Variants in REEP3 observed in about 807,000 individuals in gnomAD.
REEP3 encodes receptor expression-enhancing protein 3.
REEP3 carries 20 observed loss-of-function variants against 41.3 expected under a neutral mutation model. The ratio of observed to expected loss-of-function variants is 0.48; its 90% CI spans 0.34 to 0.70. The LOEUF is 0.70. REEP3 is among the 30% of genes least tolerant of loss of function. REEP3 has a pLI of 0.01. For synonymous variants in REEP3, 104 were observed against 101.8 expected, an observed-to-expected ratio of 1.02 and a Z score of -0.13; for missense variants, 271 against 308.8, an observed-to-expected ratio of 0.88 and a Z score of 0.92.
At chr10:63,583,297 GT>G (rs913031851) in intron 2 of REEP3, among the ~76,000 whole-genome samples, 24 of 152,072 alleles carry the variant, frequency 1.6e-4, no homozygotes, top group African/African-American at 5.8e-4. Context: ...GGCCCCCGGA[GT>G]TTTTTTTCTA....
chr10:63,567,309 G>C (rs905856552), intron 2 of REEP3, among the ~76,000 whole-genome samples: 17 of 151,832 alleles, frequency 1.1e-4, no homozygotes, highest in Non-Finnish European at 2.2e-4. Flanking sequence ...ACTCTTTCTA[G>C]TTCCAAAATA....
At chr10:63,529,343 C>G (rs1397314884) in intron 1 of REEP3, among the ~76,000 whole-genome samples, 1 of 152,136 alleles carries the variant, frequency 6.6e-6, no homozygotes, top group African/African-American at 2.4e-5. Context: ...CCTTGGTAAC[C>G]TAGCTAAAAT....
chr10:63,597,905 C>G, intron 3 of REEP3, 119 bp from the exon 4 acceptor site: 1 of 814,474 alleles, frequency 1.2e-6, no homozygotes, highest in South Asian at 2.0e-5. Context: ...AAAACTCCAT[C>G]TCAAAAAAAA....
At chr10:63,617,293 A>G (rs1457979970) in intron 6 of REEP3, among the ~76,000 whole-genome samples, 1 of 152,238 alleles carries the variant, frequency 6.6e-6, no homozygotes, top group African/African-American at 2.4e-5. Context: ...TGACTAATAT[A>G]CAATGCAAGT....
chr10:63,551,884 G>A (rs1057126570), intron 1 of REEP3, among the ~76,000 whole-genome samples: 2 of 152,088 alleles, frequency 1.3e-5, no homozygotes, highest in Non-Finnish European at 2.9e-5. Context: ...CTTAATTGTG[G>A]CAAATGTGTC....
chr10:63,621,469 T>C lies in REEP3; in HGVS notation c.*600T>C, dbSNP rs970644489. 6.6e-6 allele frequency: 1 copy of C among 152,630 alleles called. No individual in the cohort carries two copies. Among genetic ancestry groups the C allele is most frequent in the Non-Finnish European group, 1.5e-5 (1 of 68,032 alleles). 9.5% of individuals were successfully genotyped at this position (152,630 alleles called of 1,614,324 possible). A position where few individuals can be genotyped will look rare whatever the true frequency, so the allele number is the denominator to read the frequency against. ...CTGACTAGTTTTGCACACTTGAAAA[T>C]TGTTTACTTATTTTACAACTGTTTT... On this transcript the variant is annotated 3_prime_UTR_variant, in exon 8 of 8. Coordinates refer to ENST00000373758, the MANE Select transcript of REEP3 (RefSeq NM_001001330.3).
chr10:63,605,237 T>TA (rs758351108), intron 5 of REEP3, among the ~76,000 whole-genome samples: 1 of 152,230 alleles, frequency 6.6e-6, no homozygotes, highest in Non-Finnish European at 1.5e-5. Context: ...TTCTCCATGT[T>TA]ATCAATGTTC....
chr10:63,531,902 T>C (rs1955424266), intron 1 of REEP3, among the ~76,000 whole-genome samples: 1 of 152,260 alleles, frequency 6.6e-6, no homozygotes, highest in African/African-American at 2.4e-5. Context: ...GAAAAGAAAT[T>C]ACTGTTGCTG....
chr10:63,596,536 C>G (rs916953472), intron 3 of REEP3, among the ~76,000 whole-genome samples: 1 of 152,108 alleles, frequency 6.6e-6, no homozygotes, highest in African/African-American at 2.4e-5. Context: ...CCCACCTTGA[C>G]AGAAGAACTC....
At chr10:63,567,654 A>T (rs930054785) in intron 2 of REEP3, among the ~76,000 whole-genome samples, 1 of 152,210 alleles carries the variant, frequency 6.6e-6, no homozygotes, top group Non-Finnish European at 1.5e-5. Context: ...AAACATTCAC[A>T]TACAAGGATT....
chr10:63,614,427 G>A (rs1217731339), intron 6 of REEP3, among the ~76,000 whole-genome samples: 1 of 152,108 alleles, frequency 6.6e-6, no homozygotes, highest in Non-Finnish European at 1.5e-5. Flanking sequence ...ACAGCAGCTG[G>A]GCTAGAGTCA....
intron 2 of REEP3, among the ~76,000 whole-genome samples, chr10:63,591,283 G>T (rs1380940936): frequency 6.6e-6 from 1 of 152,080 alleles, no homozygotes; most frequent in East Asian, 1.9e-4. Context: ...TGGAAAAAAA[G>T]AAAGCAATAT....
Position 63,544,915 on chromosome 10 carries a change from CA to C in REEP3, c.33-21420del, listed in dbSNP as rs534246527. Among the ~76,000 whole-genome samples, 464 of 152,244 alleles carry C rather than the reference CA, an allele frequency of 3.0e-3. 2 individuals carry two copies. The highest frequency in any genetic ancestry group is 4.6e-3 in the Non-Finnish European group (316 of 68,010). On this transcript the variant is annotated intron_variant, in intron 1 of 7. Transcript: ENST00000373758. ...AGGGATTAGTTAAATGTCACCAAAG[CA>C]AAGACTATTTGATTTATATAGCTCT...
intron 5 of REEP3, among the ~76,000 whole-genome samples, chr10:63,608,328 C>T (rs995982208): frequency 6.6e-6 from 1 of 152,034 alleles, no homozygotes. Context: ...TATCACAATT[C>T]AAAAATATGG....
intron 2 of REEP3, among the ~76,000 whole-genome samples, chr10:63,580,501 G>A (rs568212441): frequency 1.3e-5 from 2 of 152,256 alleles, no homozygotes; most frequent in East Asian, 3.9e-4. Flanking sequence ...TGTAAGAAAT[G>A]TAGCATGAAT....
chr10:63,569,878 C>T (rs73300595), intron 2 of REEP3, among the ~76,000 whole-genome samples: 170 of 151,994 alleles, frequency 1.1e-3, no homozygotes, highest in African/African-American at 3.9e-3. Flanking sequence ...GGAGTCGAGA[C>T]TACAGTGAGA....
chr10:63,614,677 G>A (rs1261167820), intron 6 of REEP3, among the ~76,000 whole-genome samples: 1 of 152,192 alleles, frequency 6.6e-6, no homozygotes, highest in African/African-American at 2.4e-5. Flanking sequence ...ATTTGTTGAG[G>A]CAAGTACAAA....
intron 6 of REEP3, among the ~76,000 whole-genome samples, chr10:63,617,421 T>A (rs996822717): frequency 6.6e-6 from 1 of 152,194 alleles, no homozygotes; most frequent in Non-Finnish European, 1.5e-5. Flanking sequence ...TCAATTTTTT[T>A]AATATGTATA....
intron 2 of REEP3, among the ~76,000 whole-genome samples, chr10:63,591,971 G>T (rs888795978): frequency 1.3e-5 from 2 of 152,174 alleles, no homozygotes; most frequent in Admixed American, 1.3e-4. Flanking sequence ...ATGAAAACGT[G>T]AAATAATGAA....
Sources: gnomAD v4.1 joint callset for allele counts (sites outside exome capture counted in the v4.1 genomes callset) on GRCh38, gnomAD v4.1.1 for gene constraint, MANE v1.5 for transcripts, NCBI Gene and HGNC (gene_info 2026-07-23, HGNC 2026-07-21) for gene names.